Variants in ARHGAP10 observed in about 807,000 individuals in gnomAD.
ARHGAP10 encodes the protein Rho GTPase activating protein 10.
In ARHGAP10, 87 loss-of-function variants were observed where a neutral mutation model predicts 108.6. The observed-to-expected ratio is 0.80, with a 90% CI of 0.67 to 0.96. The LOEUF (loss-of-function observed/expected upper bound fraction) is 0.96. Among genes scored for constraint, ARHGAP10 ranks in the 40% least tolerant of loss-of-function variants. The pLI is 0.00. For synonymous variants in ARHGAP10, 347 were observed against 341.1 expected (o/e 1.02, Z -0.19); for missense variants, 939 against 954.5 (o/e 0.98, Z 0.21).
intron 1 of ARHGAP10, among the ~76,000 whole-genome samples, chr4:147,803,486 T>C (rs1265334467): frequency 2.0e-5 from 3 of 152,226 alleles, no homozygotes; most frequent in Non-Finnish European, 4.4e-5. Context: ...TATTTTGAAA[T>C]ATTTTTAATT....
intron 12 of ARHGAP10, among the ~76,000 whole-genome samples, chr4:147,911,528 A>G (rs1207443560): frequency 6.6e-6 from 1 of 151,988 alleles, no homozygotes; most frequent in Non-Finnish European, 1.5e-5. Flanking sequence ...ACGCCCGGCT[A>G]ATTTATTGTA....
intron 15 of ARHGAP10, 50 bp downstream of exon 15, chr4:147,946,754 A>G (rs946657492): frequency 4.4e-6 from 6 of 1,360,440 alleles, no homozygotes; most frequent in African/African-American, 3.0e-5. Context: ...TTGGATCTGT[A>G]ACATAAAACA....
At chr4:147,863,039 A>G (rs1445699372) in intron 5 of ARHGAP10, 2 of 152,214 alleles carry the variant, frequency 1.3e-5, no homozygotes, top group Non-Finnish European at 2.9e-5. Flanking sequence ...AATGTGTTTC[A>G]AATGTGTTAA....
intron 1 of ARHGAP10, among the ~76,000 whole-genome samples, chr4:147,816,664 A>G (rs1732261236): frequency 6.6e-6 from 1 of 152,222 alleles, no homozygotes; most frequent in South Asian, 2.1e-4. Context: ...TGTTTGCAGC[A>G]TTTTTTAAAT....
intron 1 of ARHGAP10, among the ~76,000 whole-genome samples, chr4:147,816,595 G>A (rs1044472680): frequency 1.3e-5 from 2 of 152,248 alleles, no homozygotes; most frequent in Non-Finnish European, 2.9e-5. Flanking sequence ...TTCTGGAACA[G>A]CCTGTGATTT....
At chr4:147,839,138 A>ATCTGTCTGTCTG (rs1287362860) in intron 3 of ARHGAP10, among the ~76,000 whole-genome samples, 12 of 128,184 alleles carry the variant, frequency 9.4e-5, no homozygotes, top group East Asian at 4.4e-4. Flanking sequence ...CTATCTATCT[A>ATCTGTCTGTCTG]TCTATCTGTC....
At chr4:147,867,920 T>G (rs1734634876) in intron 7 of ARHGAP10, among the ~76,000 whole-genome samples, 1 of 64,616 alleles carries the variant, frequency 1.5e-5, no homozygotes, top group Middle Eastern at 7.8e-3. Flanking sequence ...TAGATTTTGT[T>G]TCTAACTTTT....
chr4:147,742,178 C>A (rs181336055), intron 1 of ARHGAP10, among the ~76,000 whole-genome samples: 8 of 152,016 alleles, frequency 5.3e-5, no homozygotes, highest in African/African-American at 1.9e-4. Context: ...TGAGTGCTTT[C>A]TTTTCTGACT....
At chr4:147,946,507 C>T in intron 14 of ARHGAP10, 110 bp from the exon 15 acceptor site, 1 of 744,036 alleles carries the variant, frequency 1.3e-6, no homozygotes, top group Non-Finnish European at 2.2e-6. Flanking sequence ...TCCTAGGAAA[C>T]TGCAGGATTG....
rs192160506 is a variant in ARHGAP10 at position 148,024,176 on chromosome 4, G to T, written c.1867+763G>T. Among the ~76,000 whole-genome samples, 5 of 152,302 alleles carry T rather than the reference G, an allele frequency of 3.3e-5. No homozygotes were observed. In the East Asian group the frequency reaches 9.6e-4, roughly 29 times the overall value. ...TGGTGTGGAGAATAAGATGATTCTG[G>T]TATCCAAACCTGCGTTTTCAGTATG... On this transcript the variant is annotated intron_variant, in intron 19 of 22. Transcript: ENST00000336498.
chr4:147,959,349 G>A (rs2126988962), intron 16 of ARHGAP10, among the ~76,000 whole-genome samples: 1 of 151,980 alleles, frequency 6.6e-6, no homozygotes, highest in Non-Finnish European at 1.5e-5. Context: ...GAAAGGTTTT[G>A]ACTCTATTTT....
At chr4:147,985,237 G>T (rs1274341343) in intron 18 of ARHGAP10, among the ~76,000 whole-genome samples, 1 of 152,162 alleles carries the variant, frequency 6.6e-6, no homozygotes, top group Non-Finnish European at 1.5e-5. Context: ...ATACTCCTGG[G>T]TGTGGGGAAG....
At chr4:147,994,344 G>A (rs1393975954) in intron 18 of ARHGAP10, among the ~76,000 whole-genome samples, 5 of 152,140 alleles carry the variant, frequency 3.3e-5, no homozygotes, top group East Asian at 1.9e-4. Context: ...CACACATGCC[G>A]GTGCCTGGCT....
At chr4:147,847,317 C>T (rs994617949) in intron 4 of ARHGAP10, 95 bp downstream of exon 4, 56 of 1,088,770 alleles carry the variant, frequency 5.1e-5, no homozygotes, top group African/African-American at 4.1e-4. Flanking sequence ...AAGGAGATGC[C>T]GGAGCAAACC....
intron 5 of ARHGAP10, among the ~76,000 whole-genome samples, chr4:147,859,441 T>G (rs760107160): frequency 1.3e-4 from 19 of 151,974 alleles, no homozygotes; most frequent in Non-Finnish European, 2.4e-4. Flanking sequence ...CCCAGCTAAT[T>G]TTTTGTATTT....
intron 1 of ARHGAP10, among the ~76,000 whole-genome samples, chr4:147,802,428 A>G (rs985757355): frequency 1.3e-5 from 2 of 152,248 alleles, no homozygotes; most frequent in African/African-American, 4.8e-5. Flanking sequence ...TCCTAAAGGT[A>G]AGGTGGTAGG....
chr4:148,035,487 T>C (rs1728337187), intron 19 of ARHGAP10, among the ~76,000 whole-genome samples: 1 of 152,236 alleles, frequency 6.6e-6, no homozygotes, highest in South Asian at 2.1e-4. Flanking sequence ...AGATACATTA[T>C]ATTAGCCAAG....
At chr4:147,842,531 TGTCTC>T (rs907696926) in intron 3 of ARHGAP10, among the ~76,000 whole-genome samples, 3 of 152,190 alleles carry the variant, frequency 2.0e-5, no homozygotes, top group Admixed American at 2.0e-4. Context: ...TCTCTAGCCT[TGTCTC>T]GTGATCCTCT....
At chr4:148,065,429 C>T (rs1729820926) in intron 22 of ARHGAP10, 1 of 152,200 alleles carries the variant, frequency 6.6e-6, no homozygotes, top group African/African-American at 2.4e-5. Context: ...GATATGTACT[C>T]TTCAGAGACA....
Sources: allele counts gnomAD v4.1 joint callset (sites outside exome capture counted in the v4.1 genomes callset), GRCh38; gene constraint gnomAD v4.1.1; transcripts MANE v1.5; gene names NCBI Gene and HGNC (gene_info 2026-07-23, HGNC 2026-07-21).